The following GALNTL6 variants were observed in gnomAD, a reference collection of about 807,000 sequenced individuals.
The protein encoded by GALNTL6 is polypeptide N-acetylgalactosaminyltransferase like 6, also known as polypeptide N-acetylgalactosaminyltransferase-like 6.
GALNTL6 carries 46 observed loss-of-function variants against 73.7 expected under a neutral mutation model. The observed-to-expected ratio is 0.62, with a 90% CI of 0.49 to 0.80. The LOEUF (loss-of-function observed/expected upper bound fraction) is 0.80. Among genes scored for constraint, GALNTL6 ranks in the 30% least tolerant of loss-of-function variants. The probability of loss-of-function intolerance (pLI) is 0.00; values close to 1 mark genes in which losing one functional copy is unlikely to be tolerated. For synonymous variants in GALNTL6, 259 were observed against 263.7 expected, an observed-to-expected ratio of 0.98 and a Z score of 0.17; for missense variants, 604 against 755.0, an observed-to-expected ratio of 0.80 and a Z score of 2.34.
Position 172,993,454 on chromosome 4 carries a change from G to T in GALNTL6, c.1372-15724G>T, listed in dbSNP as rs185774704. Among the ~76,000 whole-genome samples, 4 of 152,256 alleles carry T rather than the reference G, an allele frequency of 2.6e-5. No homozygotes were observed. The East Asian group carries it at 7.7e-4, about 29-fold the overall frequency. On this transcript the variant is annotated intron_variant, in intron 10 of 12. Coordinates refer to ENST00000506823, the MANE Select transcript of GALNTL6 (RefSeq NM_001034845.3). ...TAGCTATATACCAAAACCATTCCAGGTGCCAGTTACAGAGGTGATTAAGGC... is the reference window on the plus strand; with the variant it reads ...TAGCTATATACCAAAACCATTCCAGTTGCCAGTTACAGAGGTGATTAAGGC...
At chr4:172,749,271 C>T (rs1219213753) in intron 5 of GALNTL6, among the ~76,000 whole-genome samples, 3 of 152,058 alleles carry the variant, frequency 2.0e-5, no homozygotes, top group African/African-American at 4.8e-5. Context: ...TCCATACCTA[C>T]GATATCCTTA....
intron 12 of GALNTL6, among the ~76,000 whole-genome samples, chr4:173,031,028 GA>G (rs1404579011): frequency 3.0e-4 from 46 of 152,100 alleles, no homozygotes; most frequent in Non-Finnish European, 6.0e-4. Context: ...GAGAGAGAGA[GA>G]GAGAGAGAGC....
intron 5 of GALNTL6, among the ~76,000 whole-genome samples, chr4:172,714,907 G>C (rs1734969923): frequency 6.6e-6 from 1 of 152,002 alleles, no homozygotes; most frequent in South Asian, 2.1e-4. Context: ...GCATTTAAAG[G>C]ACTTGAACAT....
intron 2 of GALNTL6, among the ~76,000 whole-genome samples, chr4:172,190,151 A>C (rs1735530771): frequency 6.6e-6 from 1 of 152,196 alleles, no homozygotes; most frequent in Admixed American, 6.5e-5. Context: ...CCTCCCTGCT[A>C]TCTCTCTTTC....
chr4:171,921,999 T>C (rs1252818384), intron 2 of GALNTL6, among the ~76,000 whole-genome samples: 1 of 152,060 alleles, frequency 6.6e-6, no homozygotes, highest in Non-Finnish European at 1.5e-5. Flanking sequence ...CAAAAGCTTC[T>C]AATTTTGTAA....
At chr4:172,707,369 T>C (rs544086249) in intron 5 of GALNTL6, among the ~76,000 whole-genome samples, 22 of 152,320 alleles carry the variant, frequency 1.4e-4, no homozygotes, top group African/African-American at 5.0e-4. Context: ...AGATCTGCCC[T>C]ATTGACACAC....
chr4:172,798,250 G>A (rs971871179), intron 5 of GALNTL6, among the ~76,000 whole-genome samples: 2 of 152,162 alleles, frequency 1.3e-5, no homozygotes, highest in Admixed American at 1.3e-4. Context: ...ATATGGTTTG[G>A]CTCTGGGTCC....
intron 5 of GALNTL6, among the ~76,000 whole-genome samples, chr4:172,527,399 A>G (rs1241964083): frequency 6.6e-6 from 1 of 152,198 alleles, no homozygotes; most frequent in East Asian, 1.9e-4. Context: ...GTAAGTTATA[A>G]TGATATAAAT....
chr4:172,507,704 G>A (rs908577553), intron 5 of GALNTL6, among the ~76,000 whole-genome samples: 1 of 54,516 alleles, frequency 1.8e-5, no homozygotes, highest in African/African-American at 4.6e-5. Flanking sequence ...TTATTTTTTA[G>A]TGTTTTGGTG....
At chr4:172,434,499 G>A (rs1421454347) in intron 5 of GALNTL6, among the ~76,000 whole-genome samples, 1 of 152,136 alleles carries the variant, frequency 6.6e-6, no homozygotes, top group Non-Finnish European at 1.5e-5. Context: ...GTGTGGGTAT[G>A]CTTGAAAAAC....
At chr4:171,865,832 T>G (rs1188494581) in intron 2 of GALNTL6, among the ~76,000 whole-genome samples, 2 of 152,236 alleles carry the variant, frequency 1.3e-5, no homozygotes, top group East Asian at 3.8e-4. Context: ...TTTTCGTGAT[T>G]GTTTTCTGTC....
intron 2 of GALNTL6, among the ~76,000 whole-genome samples, chr4:172,218,269 A>T (rs938856630): frequency 1.3e-5 from 2 of 152,116 alleles, no homozygotes; most frequent in African/African-American, 2.4e-5. Context: ...ACTCTAGTAA[A>T]GTCTTTTTCT....
intron 4 of GALNTL6, among the ~76,000 whole-genome samples, chr4:172,330,094 G>C (rs1178635539): frequency 6.6e-6 from 1 of 152,198 alleles, no homozygotes; most frequent in African/African-American, 2.4e-5. Flanking sequence ...AGGATCTGCA[G>C]ACCATTACTG....
intron 5 of GALNTL6, among the ~76,000 whole-genome samples, chr4:172,690,902 A>G (rs1022973209): frequency 1.3e-5 from 2 of 152,220 alleles, no homozygotes; most frequent in Admixed American, 1.3e-4. Flanking sequence ...CCTGGTGCAT[A>G]TCAGAACTCT....
intron 3 of GALNTL6, among the ~76,000 whole-genome samples, chr4:172,241,905 T>C (rs1448771140): frequency 6.6e-6 from 1 of 152,234 alleles, no homozygotes; most frequent in Non-Finnish European, 1.5e-5. Context: ...CTGTACATTA[T>C]CACAAAATAG....
intron 5 of GALNTL6, among the ~76,000 whole-genome samples, chr4:172,515,629 A>T (rs1473065032): frequency 6.6e-6 from 1 of 152,230 alleles, no homozygotes; most frequent in African/African-American, 2.4e-5. Flanking sequence ...ATAACAATAG[A>T]GGCCTCAGGG....
chr4:172,133,988 A>C (rs940225510), intron 2 of GALNTL6, among the ~76,000 whole-genome samples: 2 of 152,222 alleles, frequency 1.3e-5, no homozygotes, highest in Non-Finnish European at 2.9e-5. Flanking sequence ...TATGAAAAAA[A>C]TTCTGACAAG....
chr4:172,380,528 A>G, intron 5 of GALNTL6: 2 of 391,690 alleles, frequency 5.1e-6, no homozygotes, highest in Non-Finnish European at 1.0e-5. Flanking sequence ...TCTAACTTCT[A>G]GTTTATATAT....
intron 5 of GALNTL6, among the ~76,000 whole-genome samples, chr4:172,419,301 G>A (rs1730961779): frequency 6.6e-6 from 1 of 152,094 alleles, no homozygotes; most frequent in East Asian, 1.9e-4. Context: ...TGCCAACTTT[G>A]GTGATAATAA....
Sources: gnomAD v4.1 joint callset for allele counts (sites outside exome capture counted in the v4.1 genomes callset) on GRCh38, gnomAD v4.1.1 for gene constraint, MANE v1.5 for transcripts, NCBI Gene and HGNC (gene_info 2026-07-23, HGNC 2026-07-21) for gene names.